CFAP77: variants seen among roughly 807,000 people sequenced by gnomAD.
CFAP77 encodes cilia and flagella associated protein 77, also known as cilia- and flagella-associated protein 77.
A neutral mutation model predicts 31.1 loss-of-function variants in CFAP77; 25 were observed. That is an observed-to-expected ratio of 0.80 (90% CI 0.59 to 1.12). CFAP77 has a LOEUF of 1.12. CFAP77 is among the 50% of genes most tolerant of loss of function. The probability of loss-of-function intolerance (pLI) is 0.00; values close to 1 mark genes in which losing one functional copy is unlikely to be tolerated. For synonymous variants in CFAP77, 151 were observed against 159.9 expected, an observed-to-expected ratio of 0.94 and a Z score of 0.42; for missense variants, 377 against 397.3, an observed-to-expected ratio of 0.95 and a Z score of 0.44.
At chr9:132,494,590 C>T (rs543260340) in intron 1 of CFAP77, among the ~76,000 whole-genome samples, 1 of 152,294 alleles carries the variant, frequency 6.6e-6, no homozygotes, top group South Asian at 2.1e-4. Context: ...TTCATTTCTG[C>T]TGGATGTCCA....
rs1265710503 is a variant in CFAP77, at chr9:132,539,086, C to T, written c.630+1380C>T. Among the ~76,000 whole-genome samples the T allele has an allele frequency of 2.0e-5, 3 of 151,678 alleles. No individual in the cohort carries two copies. The highest frequency in any genetic ancestry group is 1.9e-4 in the East Asian group (1 of 5,178). ...TGGGCAACAGAGCAAGACTCCGTCT[C>T]GATAAAAAAATAAATAAATAAAAAT... On this transcript the variant is annotated intron_variant, in intron 4 of 5. Transcript: ENST00000393216. This position sits in a 1 kb window ranked among gnomAD's most constrained non-coding sequence, Gnocchi z 4.3.
rs1247956495 is a variant in CFAP77, at chr9:132,513,465, C to T, written c.524+13865C>T. The stretch of plus-strand genomic sequence containing the variant: ...GCCCCTCCCCGTCTTCCCTGAGGAC[C>T]CTCCCGAGGTTGGAGCACGCATGCT... On this transcript the variant is annotated intron_variant, in intron 3 of 5. Transcript: ENST00000393216. The T allele has an allele frequency of 3.8e-6, 5 of 1,311,420 alleles. No homozygotes were observed. In the South Asian group the frequency reaches 9.1e-5, roughly 24 times the overall value. 81.2% of individuals were successfully genotyped at this position (1,311,420 alleles called of 1,614,324 possible). A position where few individuals can be genotyped will look rare whatever the true frequency, so the allele number is the denominator to read the frequency against.
intron 3 of CFAP77, among the ~76,000 whole-genome samples, chr9:132,509,001 C>A (rs962238254): frequency 6.6e-6 from 1 of 152,196 alleles, no homozygotes; most frequent in African/African-American, 2.4e-5. Flanking sequence ...GAGCTCCGTT[C>A]ACGTTGGTGC....
chr9:132,454,481 T>C (rs2131717563), intron 1 of CFAP77, among the ~76,000 whole-genome samples: 1 of 152,370 alleles, frequency 6.6e-6, no homozygotes, highest in East Asian at 1.9e-4. Context: ...GTTCAGGTGT[T>C]ACTGAGGTTT....
intron 1 of CFAP77, among the ~76,000 whole-genome samples, chr9:132,439,322 GCAGGAC>G (rs1408213625): frequency 6.6e-6 from 1 of 152,172 alleles, no homozygotes; most frequent in Non-Finnish European, 1.5e-5. Context: ...GTAGGGGCGT[GCAGGAC>G]CAGGTTTCCT....
chr9:132,530,211 C>T (rs1460059471), intron 3 of CFAP77, among the ~76,000 whole-genome samples: 2 of 149,016 alleles, frequency 1.3e-5, no homozygotes, highest in African/African-American at 2.5e-5. Flanking sequence ...GGAATCCTCC[C>T]ACCTTGGACT....
At chr9:132,428,265 C>T (rs971805488) in intron 1 of CFAP77, among the ~76,000 whole-genome samples, 3 of 151,992 alleles carry the variant, frequency 2.0e-5, no homozygotes, top group African/African-American at 7.2e-5. Flanking sequence ...CTGCATTGGC[C>T]TCTCAAAGCG....
chr9:132,444,845 G>A lies in CFAP77; in HGVS notation c.195+34379G>A, dbSNP rs147814969. Among the ~76,000 whole-genome samples, 167 of 152,116 alleles carry A rather than the reference G, an allele frequency of 1.1e-3. 3 individuals are homozygous for A. The East Asian group carries it at 0.028, about 26-fold the overall frequency. On this transcript the variant is annotated intron_variant, in intron 1 of 5. Coordinates refer to ENST00000393216, the MANE Select transcript of CFAP77 (RefSeq NM_001282957.2). ...GAACCGCATTAGATACTGTGTCATT[G>A]TGCCACCATCACCACCATCCAGCTC... is the stretch of plus-strand genomic sequence containing the variant.
intron 3 of CFAP77, among the ~76,000 whole-genome samples, chr9:132,530,824 G>C (rs190981658): frequency 4.5e-4 from 68 of 152,218 alleles, no homozygotes; most frequent in Middle Eastern, 3.4e-3. Flanking sequence ...TTTTGGTGTT[G>C]AGTCTAAGAA....
At chr9:132,431,242 G>A (rs1850405464) in intron 1 of CFAP77, among the ~76,000 whole-genome samples, 1 of 152,202 alleles carries the variant, frequency 6.6e-6, no homozygotes, top group African/African-American at 2.4e-5. Context: ...TTTGCACTTT[G>A]AGTTCAATCA....
intron 1 of CFAP77, among the ~76,000 whole-genome samples, chr9:132,447,487 G>A (rs1199854733): frequency 6.6e-6 from 1 of 152,198 alleles, no homozygotes; most frequent in Non-Finnish European, 1.5e-5. Context: ...CTGGGGTCTT[G>A]TCTTCACTCG....
At chr9:132,430,435 A>C (rs565151420) in intron 1 of CFAP77, among the ~76,000 whole-genome samples, 19 of 152,248 alleles carry the variant, frequency 1.2e-4, no homozygotes, top group Admixed American at 5.2e-4. Context: ...AGATAGTTAC[A>C]TTTATCCCCT....
intron 3 of CFAP77, among the ~76,000 whole-genome samples, chr9:132,522,098 T>C (rs1852279032): frequency 6.6e-6 from 1 of 152,040 alleles, no homozygotes; most frequent in Admixed American, 6.6e-5. Context: ...CTGGCTCCTA[T>C]GAGGAGCAGG....
rs565238025 is a variant in CFAP77, at chr9:132,564,033, A to C, written c.733-8355A>C. ...CTTCTCTGGCCTCAATCAGAGTTGG[A>C]GTCTCTGTATCATAAGCTCTTACAG... is the stretch of plus-strand genomic sequence containing the variant. On this transcript the variant is annotated intron_variant, in intron 5 of 5. Coordinates refer to ENST00000393216, the MANE Select transcript of CFAP77 (RefSeq NM_001282957.2). The surrounding 1 kb of genome is among the most constrained non-coding windows in gnomAD (Gnocchi z 4.6). 2.0e-5 allele frequency among the ~76,000 whole-genome samples: 3 copies of C among 152,224 alleles called. No individual in the cohort carries two copies. The highest frequency in any genetic ancestry group is 7.2e-5 in the African/African-American group (3 of 41,532).
At chr9:132,437,193 A>G (rs770186658) in intron 1 of CFAP77, among the ~76,000 whole-genome samples, 1 of 152,214 alleles carries the variant, frequency 6.6e-6, no homozygotes, top group African/African-American at 2.4e-5. Context: ...GTCCCCAAGC[A>G]CTGGTCCTGC....
chr9:132,525,316 G>A (rs189699560), intron 3 of CFAP77, among the ~76,000 whole-genome samples: 32 of 152,062 alleles, frequency 2.1e-4, no homozygotes, highest in African/African-American at 7.7e-4. Flanking sequence ...CACCACGCTC[G>A]GCCCCAGTAT....
At chr9:132,543,411 CACCTGGAGGAGGCTGTCT>C (rs1489899429) in intron 5 of CFAP77, among the ~76,000 whole-genome samples, 1 of 152,054 alleles carries the variant, frequency 6.6e-6, no homozygotes, top group Non-Finnish European at 1.5e-5. Flanking sequence ...GGAGGCTGTC[CACCTGGAGGAGGCTGTCT>C]AGCTGGGGAA....
At chr9:132,492,241 T>A (rs1017629170) in intron 1 of CFAP77, among the ~76,000 whole-genome samples, 1 of 152,166 alleles carries the variant, frequency 6.6e-6, no homozygotes, top group Non-Finnish European at 1.5e-5. Flanking sequence ...CAAGCTGTGA[T>A]CGTGCCCCTG....
At chr9:132,493,557 G>A (rs1167340091) in intron 1 of CFAP77, among the ~76,000 whole-genome samples, 1 of 152,212 alleles carries the variant, frequency 6.6e-6, no homozygotes, top group African/African-American at 2.4e-5. Context: ...GGCTCCTGGG[G>A]GAGGGCAGCA....
Sources: allele counts gnomAD v4.1 joint callset (sites outside exome capture counted in the v4.1 genomes callset), GRCh38; gene constraint gnomAD v4.1.1; non-coding constraint Gnocchi (gnomAD v3.1); transcripts MANE v1.5; gene names NCBI Gene and HGNC (gene_info 2026-07-23, HGNC 2026-07-21).